Variants in ARHGAP22 observed in about 807,000 individuals in gnomAD.
The protein encoded by ARHGAP22 is rho GTPase-activating protein 22.
In ARHGAP22, 48 loss-of-function variants were observed where a neutral mutation model predicts 59.1. The ratio of observed to expected loss-of-function variants is 0.81; its 90% CI spans 0.64 to 1.03. The LOEUF (loss-of-function observed/expected upper bound fraction) is 1.03, where lower values mean the gene tolerates loss of function less well. ARHGAP22 is among the 50% of genes least tolerant of loss of function. The pLI, the probability that ARHGAP22 is intolerant of heterozygous loss-of-function variation, is 0.00. For synonymous variants in ARHGAP22, 445 were observed against 416.4 expected (o/e 1.07, Z -0.84); for missense variants, 1,015 against 958.7 (o/e 1.06, Z -0.78).
At chr10:48,621,301 G>T (rs1011423167) in intron 1 of ARHGAP22, among the ~76,000 whole-genome samples, 1 of 152,050 alleles carries the variant, frequency 6.6e-6, no homozygotes, top group Non-Finnish European at 1.5e-5. Context: ...GTTTAAACTT[G>T]CCTCATGTAA....
chr10:48,508,457 T>A (rs1589827946), intron 3 of ARHGAP22, among the ~76,000 whole-genome samples: 1 of 151,444 alleles, frequency 6.6e-6, no homozygotes, highest in African/African-American at 2.4e-5. Context: ...CGGGAGGGGG[T>A]CCCATCAGCC....
At chr10:48,509,493 G>A (rs566218642) in intron 3 of ARHGAP22, among the ~76,000 whole-genome samples, 1 of 152,226 alleles carries the variant, frequency 6.6e-6, no homozygotes, top group Non-Finnish European at 1.5e-5. Flanking sequence ...CACTAACTTG[G>A]AATGGGCCTC....
chr10:48,627,630 C>T (rs553436025), intron 1 of ARHGAP22, among the ~76,000 whole-genome samples: 91 of 152,314 alleles, frequency 6.0e-4, no homozygotes, highest in African/African-American at 1.9e-3. Flanking sequence ...ACAGGGCAGG[C>T]CACTGGGAAG....
chr10:48,498,259 C>A (rs901664226), intron 3 of ARHGAP22, among the ~76,000 whole-genome samples: 11 of 152,260 alleles, frequency 7.2e-5, no homozygotes, highest in East Asian at 1.9e-4. Context: ...GGGACCACGG[C>A]AGCCACACTG....
Position 48,450,725 on chromosome 10 carries a change from C to T in ARHGAP22, c.1404G>A (p.Leu468=). The T allele has an allele frequency of 1.3e-6, 2 of 1,555,804 alleles. No homozygotes were observed. Among genetic ancestry groups the T allele is most frequent in the Non-Finnish European group, 1.7e-6 (2 of 1,150,116 alleles). The change falls in exon 9 of 10, where the codon CTG becomes CTA. Residue 468 remains leucine (L), a synonymous_variant. Transcript: ENST00000249601. ...CCGACGAGGCCCGGCGGTGTCCGCG[C>T]AGGGAGGACAGCCCGTTCATAAGCC... ...GNWLMNGLSS[L]RGHRRASSGD... is the part of the protein sequence containing the mutation.
chr10:48,510,450 A>T (rs918851796), intron 3 of ARHGAP22: 2 of 152,260 alleles, frequency 1.3e-5, no homozygotes, highest in Non-Finnish European at 2.9e-5. Flanking sequence ...AAGATCATTT[A>T]AGAAAGCGGT....
chr10:48,605,533 C>T (rs1564988086), upstream of ARHGAP22, among the ~76,000 whole-genome samples: 2 of 152,160 alleles, frequency 1.3e-5, no homozygotes, highest in Admixed American at 1.3e-4. Flanking sequence ...GCAGGAAGCA[C>T]TTAACTCAGG....
chr10:48,493,899 G>A (rs1378620252), intron 3 of ARHGAP22, among the ~76,000 whole-genome samples: 1 of 152,196 alleles, frequency 6.6e-6, no homozygotes, highest in African/African-American at 2.4e-5. Context: ...ATGCCTCAGG[G>A]TTCTCTCCAG....
At chr10:48,603,118 C>G (rs985770461) in intron 1 of ARHGAP22, among the ~76,000 whole-genome samples, 1 of 152,152 alleles carries the variant, frequency 6.6e-6, no homozygotes, top group African/African-American at 2.4e-5. Context: ...GCCAGTAGCA[C>G]CCCTCAGTTG....
upstream of ARHGAP22, among the ~76,000 whole-genome samples, chr10:48,653,300 G>A (rs1336153088): frequency 6.6e-6 from 1 of 152,248 alleles, no homozygotes; most frequent in Non-Finnish European, 1.5e-5. Flanking sequence ...AACAAGCATA[G>A]CCAGTGCTCA....
At chr10:48,523,524 G>C (rs1488107375) in intron 3 of ARHGAP22, among the ~76,000 whole-genome samples, 1 of 152,254 alleles carries the variant, frequency 6.6e-6, no homozygotes, top group Non-Finnish European at 1.5e-5. Flanking sequence ...CTGCTCGCAG[G>C]TTCCGCCGCG....
In ARHGAP22 at chr10:48,459,829, C is replaced by A. The variant is rs1391062430; in HGVS notation, c.514G>T (p.Ala172Ser). Residue 172 changes from alanine (A) to serine (S), a missense_variant, in exon 5 of 10, where the codon GCG (alanine) becomes TCG (serine). Transcript: ENST00000249601. ...ACACACTGCTCCACCAGCAGGGGCG[C>A]CAGGCGGGGGCCATACTTCCGCTCG... ...HHERKYGPRL[A>S]PLLVEQCVDF... 1 of 1,613,556 alleles carries A rather than the reference C, an allele frequency of 6.2e-7. No homozygotes were observed. The highest frequency in any genetic ancestry group is 1.7e-5 in the Admixed American group (1 of 60,036).
At chr10:48,645,036 G>A (rs2062232535) in intron 1 of ARHGAP22, among the ~76,000 whole-genome samples, 1 of 152,060 alleles carries the variant, frequency 6.6e-6, no homozygotes, top group Non-Finnish European at 1.5e-5. Flanking sequence ...TATCTGGACT[G>A]ACAAAGAATA....
chr10:48,527,664 C>A (rs917243210), intron 3 of ARHGAP22, among the ~76,000 whole-genome samples: 8 of 152,214 alleles, frequency 5.3e-5, no homozygotes, highest in African/African-American at 1.9e-4. Flanking sequence ...CTGCGACTGG[C>A]AAAGCACCCA....
intron 2 of ARHGAP22, among the ~76,000 whole-genome samples, chr10:48,557,779 C>T (rs1428139756): frequency 1.3e-5 from 2 of 152,212 alleles, no homozygotes. Flanking sequence ...TAGCACTGGC[C>T]CTCGGCTGCC....
intron 2 of ARHGAP22, among the ~76,000 whole-genome samples, chr10:48,577,782 A>G (rs1244605437): frequency 1.0e-5 from 1 of 98,108 alleles, no homozygotes; most frequent in African/African-American, 4.1e-5. Flanking sequence ...AAAATCTGAG[A>G]TCTAACTGCT....
At chr10:48,479,553 C>A (rs752743721) in intron 4 of ARHGAP22, 83 bp downstream of exon 4, 78 of 1,607,916 alleles carry the variant, frequency 4.9e-5, no homozygotes, top group Non-Finnish European at 6.5e-5. Context: ...TGAGCAGGGT[C>A]TTTGGGGCTC....
intron 3 of ARHGAP22, chr10:48,493,292 T>A (rs1382459590): frequency 1.1e-6 from 1 of 910,684 alleles, no homozygotes; most frequent in Non-Finnish European, 1.7e-6. Context: ...ACCTCCCTGC[T>A]GTCCTCCCAG....
At chr10:48,445,334 C>G (rs565121244), downstream of ARHGAP22, 1 of 152,482 alleles carries the variant, frequency 6.6e-6, no homozygotes, top group East Asian at 1.9e-4. Flanking sequence ...AGGGGCCAGC[C>G]ACACATCAGG....
Sources: gnomAD v4.1 joint callset for allele counts (sites outside exome capture counted in the v4.1 genomes callset) on GRCh38, gnomAD v4.1.1 for gene constraint, MANE v1.5 for transcripts, NCBI Gene and HGNC (gene_info 2026-07-23, HGNC 2026-07-21) for gene names.